Variants in KCNAB2 observed in about 807,000 individuals in gnomAD.
KCNAB2 encodes the protein voltage-gated potassium channel subunit beta-2.
In KCNAB2, 29 loss-of-function variants were observed where a neutral mutation model predicts 63.6. The ratio of observed to expected loss-of-function variants is 0.46; its 90% CI spans 0.34 to 0.62. The LOEUF is 0.62. Among genes scored for constraint, KCNAB2 ranks in the 20% least tolerant of loss-of-function variants. The pLI, the probability that KCNAB2 is intolerant of heterozygous loss-of-function variation, is 0.01. For synonymous variants in KCNAB2, 222 were observed against 224.2 expected (o/e 0.99, Z 0.09); for missense variants, 359 against 563.9 (o/e 0.64, Z 3.68).
intron 1 of KCNAB2, among the ~76,000 whole-genome samples, chr1:6,027,688 T>A (rs1659299314): frequency 6.6e-6 from 1 of 152,214 alleles, no homozygotes; most frequent in Non-Finnish European, 1.5e-5. Context: ...TAGCTTGTGA[T>A]CTTCTTGAAA....
Position 6,073,532 on chromosome 1 carries a change from C to T in KCNAB2, c.263-201C>T, listed in dbSNP as rs72630680. Among the ~76,000 whole-genome samples the T allele has an allele frequency of 6.6e-6, 1 of 152,312 alleles. No individual in the cohort carries two copies. The highest frequency in any genetic ancestry group is 1.5e-5 in the Non-Finnish European group (1 of 68,022). ...CAGCCCGCTCTAGAGACTTTTGTCC[C>T]CTCAGTTTATTGACCCCAGGAGAGC... is the stretch of plus-strand genomic sequence containing the variant. On this transcript the variant is annotated intron_variant, in intron 3 of 15. Transcript: ENST00000378083. The surrounding 1 kb of genome is among the most constrained non-coding windows in gnomAD (Gnocchi z 5.7).
chr1:6,009,250 G>A lies in KCNAB2; in HGVS notation c.-53+16462G>A, dbSNP rs550323799. Among the ~76,000 whole-genome samples the A allele has an allele frequency of 7.2e-5, 11 of 152,332 alleles. No homozygotes were observed. The East Asian group carries it at 1.4e-3, about 19-fold the overall frequency. ...CCTTGGAGTATCTGCTTTCCAGAGC[G>A]GCAGGAGGCCCGCCTGGTATGCCCA... On this transcript the variant is annotated intron_variant, in intron 1 of 16. Coordinates refer to the KCNAB2 transcript ENST00000341524.
intron 10 of KCNAB2, among the ~76,000 whole-genome samples, chr1:6,093,845 T>G (rs1665395189): frequency 6.6e-6 from 1 of 152,168 alleles, no homozygotes; most frequent in African/African-American, 2.4e-5. Flanking sequence ...AGCCCTATTC[T>G]CCGGGACCAT....
chr1:5,993,682 C>T (rs562462610), intron 1 of KCNAB2, among the ~76,000 whole-genome samples: 1 of 152,296 alleles, frequency 6.6e-6, no homozygotes. Flanking sequence ...GTGCTTTGCC[C>T]GCAGCATCCC....
At chr1:6,049,195 C>T (rs1045952109) in intron 1 of KCNAB2, among the ~76,000 whole-genome samples, 1 of 152,218 alleles carries the variant, frequency 6.6e-6, no homozygotes, top group African/African-American at 2.4e-5. Context: ...AGGAAATGCC[C>T]AGGTATAGCC....
Position 6,078,465 on chromosome 1 carries a change from AG to A in KCNAB2, c.301-3727del, listed in dbSNP as rs1663886202. On this transcript the variant is annotated intron_variant, in intron 4 of 15. Transcript: ENST00000378083. The surrounding 1 kb of genome is among the most constrained non-coding windows in gnomAD (Gnocchi z 4.2). The stretch of plus-strand genomic sequence containing the variant: ...GCAGGGGGGCGGGGGTCCTGACGAC[AG>A]GGTGGTCAGGAAGCAGAAGCGAGCA... Among the ~76,000 whole-genome samples the A allele has an allele frequency of 6.6e-6, 1 of 152,146 alleles. No homozygotes were observed. The highest frequency in any genetic ancestry group is 2.4e-5 in the African/African-American group (1 of 41,416).
intron 1 of KCNAB2, among the ~76,000 whole-genome samples, chr1:5,997,756 C>T (rs986567643): frequency 6.6e-6 from 1 of 152,222 alleles, no homozygotes; most frequent in Admixed American, 6.5e-5. Flanking sequence ...CTTGCCACCC[C>T]TCCCAGATGC....
rs928354742 is a variant in KCNAB2 at position 6,069,474 on chromosome 1, G to A, written c.219-3281G>A. 4.6e-5 allele frequency among the ~76,000 whole-genome samples: 7 copies of A among 152,162 alleles called. No homozygotes were observed. The highest frequency in any genetic ancestry group is 1.7e-4 in the African/African-American group (7 of 41,432). On this transcript the variant is annotated intron_variant, in intron 2 of 15. Transcript: ENST00000378083. The surrounding 1 kb of genome is among the most constrained non-coding windows in gnomAD (Gnocchi z 5.4). ...CCTCCGGCAGAGGTTATGTCTGTGA[G>A]TCCTCACTCCAGGAGTCCAGACCCC...
intron 8 of KCNAB2, among the ~76,000 whole-genome samples, chr1:6,089,550 T>C (rs773442953): frequency 1.3e-5 from 2 of 152,184 alleles, no homozygotes; most frequent in Non-Finnish European, 2.9e-5. Context: ...TTCTTCGAGG[T>C]AATAGATCAT....
At chr1:6,066,124 G>T (rs1231124100) in intron 2 of KCNAB2, among the ~76,000 whole-genome samples, 1 of 152,186 alleles carries the variant, frequency 6.6e-6, no homozygotes, top group Admixed American at 6.5e-5. Context: ...CTGAGGATCG[G>T]CTGGGCCGAC....
intron 1 of KCNAB2, among the ~76,000 whole-genome samples, chr1:5,999,754 C>T (rs917869323): frequency 6.6e-6 from 1 of 152,102 alleles, no homozygotes; most frequent in Non-Finnish European, 1.5e-5. Flanking sequence ...TGTTCCTGAC[C>T]ATACAGAGTC....
chr1:6,065,662 A>G lies in KCNAB2; in HGVS notation c.219-7093A>G, dbSNP rs181124341. Among the ~76,000 whole-genome samples, 394 of 152,252 alleles carry G rather than the reference A, an allele frequency of 2.6e-3. 1 individual carries two copies. Among genetic ancestry groups the G allele is most frequent in the African/African-American group, 8.3e-3 (344 of 41,540 alleles). The stretch of plus-strand genomic sequence containing the variant: ...GTGTGCTCATCACCCGTCACTCATC[A>G]TCAGGAGTAACTCACAGCCCAGCCC... On this transcript the variant is annotated intron_variant, in intron 2 of 15. Coordinates refer to ENST00000378083, the MANE Select transcript of KCNAB2 (RefSeq NM_001199862.2).
chr1:5,995,369 T>C (rs1198279336), intron 1 of KCNAB2, among the ~76,000 whole-genome samples: 1 of 152,202 alleles, frequency 6.6e-6, no homozygotes, highest in Non-Finnish European at 1.5e-5. Flanking sequence ...TACTTCCTAC[T>C]TATTTGAGCC....
chr1:6,034,620 A>G (rs912907785), exon 1 of KCNAB2: 4 of 151,874 alleles, frequency 2.6e-5, no homozygotes, highest in Non-Finnish European at 5.9e-5. Context: ...TGCCCTGAGC[A>G]CCCCCACTGG....
intron 1 of KCNAB2, among the ~76,000 whole-genome samples, chr1:6,015,016 CTTTTT>C (rs34742623): frequency 1.3e-4 from 11 of 82,784 alleles, no homozygotes; most frequent in Non-Finnish European, 2.6e-4. Flanking sequence ...GGTCACCTTC[CTTTTT>C]TTTTTTTTTT....
At chr1:6,023,373 AT>A (rs1478802939) in intron 1 of KCNAB2, among the ~76,000 whole-genome samples, 2 of 152,224 alleles carry the variant, frequency 1.3e-5, no homozygotes, top group Non-Finnish European at 2.9e-5. Flanking sequence ...AAGAACCACC[AT>A]ACTGTTTTCC....
At chr1:6,081,609 G>A (rs955318112) in intron 4 of KCNAB2, among the ~76,000 whole-genome samples, 15 of 149,546 alleles carry the variant, frequency 1.0e-4, no homozygotes, top group South Asian at 2.1e-4. Flanking sequence ...GTAAAGGCTC[G>A]GGGGAGGGTC....
Position 6,100,097 on chromosome 1 carries a change from A to C in KCNAB2, c.*1523A>C. Reference sequence around the variant, plus strand: ...ACCTCTGTTCCCGCTTTGCCCCTGGAGGAGCCACTATTCCAGAAGGCTCCA... The same window carrying C: ...ACCTCTGTTCCCGCTTTGCCCCTGGCGGAGCCACTATTCCAGAAGGCTCCA... On this transcript the variant is annotated 3_prime_UTR_variant, in exon 16 of 16. Transcript: ENST00000378083. The C allele has an allele frequency of 6.9e-7, 1 of 1,448,994 alleles. No homozygotes were observed. The highest frequency in any genetic ancestry group is 9.1e-7 in the Non-Finnish European group (1 of 1,098,708). The allele number at this position is 1,448,994 out of a possible 1,614,324, so 89.8% of individuals were successfully genotyped here.
At chr1:6,009,291 G>T (rs368919663) in intron 1 of KCNAB2, among the ~76,000 whole-genome samples, 1 of 152,246 alleles carries the variant, frequency 6.6e-6, no homozygotes, top group Non-Finnish European at 1.5e-5. Flanking sequence ...GCATCCACCT[G>T]TGCAGAGTGT....
Sources: gnomAD v4.1 joint callset for allele counts (sites outside exome capture counted in the v4.1 genomes callset) on GRCh38, gnomAD v4.1.1 for gene constraint, Gnocchi (gnomAD v3.1) non-coding constraint, MANE v1.5 for transcripts, NCBI Gene and HGNC (gene_info 2026-07-23, HGNC 2026-07-21) for gene names.